The following MEIS2 variants were observed in gnomAD, a reference collection of about 807,000 sequenced individuals.
MEIS2 encodes homeobox protein Meis2.
MEIS2 carries 9 observed loss-of-function variants against 58.6 expected under a neutral mutation model. The observed-to-expected ratio is 0.15, with a 90% confidence interval of 0.09 to 0.27. The LOEUF (loss-of-function observed/expected upper bound fraction) is 0.27, where lower values mean the gene tolerates loss of function less well. MEIS2 is among the 10% of genes least tolerant of loss of function. The pLI is 1.00. For synonymous variants in MEIS2, 221 were observed against 228.4 expected (o/e 0.97, Z 0.29); for missense variants, 427 against 635.0 (o/e 0.67, Z 3.52).
At chr15:37,022,062 T>G (rs992848839) in intron 8 of MEIS2, among the ~76,000 whole-genome samples, 9 of 152,088 alleles carry the variant, frequency 5.9e-5, no homozygotes, top group African/African-American at 2.2e-4. Context: ...ATAAATATCT[T>G]TATACATAAT....
In MEIS2 at chr15:37,064,001, T is replaced by C. The variant is rs112491615; in HGVS notation, c.754+19770A>G. ...GAAACAAAACGATTTTTTTGTCCCA[T>C]ATATGAAAAACTTGATCAGAAGGAT... On this transcript the variant is annotated intron_variant, in intron 7 of 11. Transcript: ENST00000561208. 2.5e-3 allele frequency among the ~76,000 whole-genome samples: 387 copies of C among 152,286 alleles called. 3 individuals are homozygous for C. The highest frequency in any genetic ancestry group is 8.8e-3 in the African/African-American group (364 of 41,568).
chr15:36,956,021 C>CAAAAAAAAA (rs757524401), intron 8 of MEIS2, among the ~76,000 whole-genome samples: 3 of 46,616 alleles, frequency 6.4e-5, no homozygotes, highest in African/African-American at 1.7e-4. Context: ...ACTAAAAATA[C>CAAAAAAAAA]AAAAAAAAAA....
At chr15:37,066,427 T>C (rs986665228) in intron 7 of MEIS2, 10 of 152,230 alleles carry the variant, frequency 6.6e-5, no homozygotes, top group African/African-American at 2.4e-4. Context: ...AAATTTTAAA[T>C]GGCTTTGTCT....
At chr15:36,941,033 C>T (rs1470344104) in intron 9 of MEIS2, among the ~76,000 whole-genome samples, 2 of 152,102 alleles carry the variant, frequency 1.3e-5, no homozygotes, top group Admixed American at 1.3e-4. Flanking sequence ...CTGCTTTTCT[C>T]CCCCTCCATT....
At chr15:36,989,491 T>C (rs181808459) in intron 8 of MEIS2, among the ~76,000 whole-genome samples, 26 of 152,328 alleles carry the variant, frequency 1.7e-4, no homozygotes, top group Non-Finnish European at 3.2e-4. Context: ...CCTTGCATAC[T>C]CGTGTGGACT....
intron 7 of MEIS2, among the ~76,000 whole-genome samples, chr15:37,075,997 T>C (rs1567264144): frequency 6.6e-6 from 1 of 152,044 alleles, no homozygotes; most frequent in Non-Finnish European, 1.5e-5. Flanking sequence ...AATGAGGAAC[T>C]AGATTTCAGT....
rs569128807 is a variant in MEIS2, at chr15:37,066,753, A to C, written c.754+17018T>G. On this transcript the variant is annotated intron_variant, in intron 7 of 11. Coordinates refer to ENST00000561208, the MANE Select transcript of MEIS2 (RefSeq NM_170675.5). The stretch of plus-strand genomic sequence containing the variant: ...AATGTGAGTCCATGAGAGCTTAAAG[A>C]GATAATGATAGTATTAAGAGCAACT... 3.3e-5 allele frequency among the ~76,000 whole-genome samples: 5 copies of C among 152,264 alleles called. No individual in the cohort carries two copies. The South Asian group carries it at 1.0e-3, about 32-fold the overall frequency.
At chr15:36,953,827 C>A (rs1465077183) in intron 8 of MEIS2, among the ~76,000 whole-genome samples, 1 of 152,064 alleles carries the variant, frequency 6.6e-6, no homozygotes, top group Non-Finnish European at 1.5e-5. Context: ...TGACCTTAGG[C>A]CTTCTTCTTT....
At chr15:37,013,861 C>G (rs537060775) in intron 8 of MEIS2, among the ~76,000 whole-genome samples, 1 of 152,098 alleles carries the variant, frequency 6.6e-6, no homozygotes, top group South Asian at 2.1e-4. Context: ...CTGGCTTACT[C>G]CTCTTTCCAG....
At chr15:37,100,730 TGCGCGCGTGTGTGTTGCGCGCGCGC>T (rs1323421935), upstream of MEIS2, among the ~76,000 whole-genome samples, 2 of 148,870 alleles carry the variant, frequency 1.3e-5, no homozygotes, top group African/African-American at 2.5e-5. Flanking sequence ...TGTGTGTGCG[TGCGCGCGTGTGTGTTGCGCGCGCGC>T]GCGCGCGAAC....
chr15:36,907,386 C>A (rs578195059), intron 9 of MEIS2, among the ~76,000 whole-genome samples: 1 of 152,294 alleles, frequency 6.6e-6, no homozygotes, highest in East Asian at 1.9e-4. Context: ...CAGGCCAAAC[C>A]ACCCCAACAC....
At chr15:37,082,715 C>T (rs1029748118) in intron 7 of MEIS2, among the ~76,000 whole-genome samples, 8 of 152,092 alleles carry the variant, frequency 5.3e-5, no homozygotes, top group African/African-American at 1.7e-4. Flanking sequence ...CTAATTTGGA[C>T]CCATTCACAA....
intron 11 of MEIS2, chr15:36,894,484 A>G: frequency 3.0e-6 from 1 of 332,302 alleles, no homozygotes; most frequent in Non-Finnish European, 5.6e-6. Flanking sequence ...ATAGGCTAAA[A>G]GGCAGTCCCA....
At chr15:36,973,895 A>G (rs1410967155) in intron 8 of MEIS2, among the ~76,000 whole-genome samples, 1 of 152,176 alleles carries the variant, frequency 6.6e-6, no homozygotes, top group Non-Finnish European at 1.5e-5. Context: ...TTTAAAGATG[A>G]TATATGCCTT....
At chr15:37,098,421 A>AGG (rs1328183125) in intron 1 of MEIS2, 108 of 1,200,832 alleles carry the variant, frequency 9.0e-5, no homozygotes, top group Middle Eastern at 3.2e-4. Flanking sequence ...AGAGAGAGAG[A>AGG]GAGAAAATAA....
chr15:37,095,600 C>T lies in MEIS2; in HGVS notation c.402G>A (p.Lys134=). ...AVFAKQVRAE[K]PLFSSNPELD... Reference sequence around the variant, plus strand: ...GCTCTGGATTTGAGGAAAAAAGTGGCTTTTCGGCGCGAACCTGTAAGAAAC... The same window carrying T: ...GCTCTGGATTTGAGGAAAAAAGTGGTTTTTCGGCGCGAACCTGTAAGAAAC... Residue 134 remains lysine, a synonymous_variant, in exon 4 of 12, where the codon AAG becomes AAA. Coordinates refer to ENST00000561208, the MANE Select transcript of MEIS2 (RefSeq NM_170675.5). 3 of 1,614,198 alleles carry T rather than the reference C, an allele frequency of 1.9e-6. No homozygotes were observed. The highest frequency in any genetic ancestry group is 1.1e-5 in the South Asian group (1 of 91,082).
chr15:37,083,146 C>T (rs145779030), intron 7 of MEIS2, among the ~76,000 whole-genome samples: 10 of 152,274 alleles, frequency 6.6e-5, no homozygotes, highest in African/African-American at 1.7e-4. Context: ...CTAAATTGCA[C>T]TAGGCTTCCT....
chr15:36,912,923 C>T (rs569846018), intron 9 of MEIS2, among the ~76,000 whole-genome samples: 1 of 152,022 alleles, frequency 6.6e-6, no homozygotes, highest in African/African-American at 2.4e-5. Flanking sequence ...ACCCGTCCCT[C>T]AGGCTGTGGA....
intron 9 of MEIS2, among the ~76,000 whole-genome samples, chr15:36,918,784 T>G (rs2057381353): frequency 6.6e-6 from 1 of 152,078 alleles, no homozygotes; most frequent in Non-Finnish European, 1.5e-5. Context: ...GAAAACTACT[T>G]AAGTAAATGC....
Sources: gnomAD v4.1 joint callset for allele counts (sites outside exome capture counted in the v4.1 genomes callset) on GRCh38, gnomAD v4.1.1 for gene constraint, MANE v1.5 for transcripts, NCBI Gene and HGNC (gene_info 2026-07-23, HGNC 2026-07-21) for gene names.